SEZ6L: variants seen among roughly 807,000 people sequenced by gnomAD.
The protein encoded by SEZ6L is seizure related 6 homolog like.
A neutral mutation model predicts 106.2 loss-of-function variants in SEZ6L; 37 were observed. The observed-to-expected ratio is 0.35, with a 90% CI of 0.27 to 0.46. The LOEUF (loss-of-function observed/expected upper bound fraction) is 0.46, where lower values mean the gene tolerates loss of function less well. Ranked by LOEUF, SEZ6L falls within the 20% of genes least tolerant of loss-of-function variation. The pLI, the probability that SEZ6L is intolerant of heterozygous loss-of-function variation, is 1.00. For missense variants in SEZ6L, 1,172 were observed against 1,332.8 expected (o/e 0.88, Z 1.88); for synonymous variants, 541 against 570.4 (o/e 0.95, Z 0.73).
chr22:26,192,344 C>T (rs993581081), intron 1 of SEZ6L, among the ~76,000 whole-genome samples: 4 of 152,106 alleles, frequency 2.6e-5, no homozygotes, highest in African/African-American at 9.7e-5. Context: ...CACGTCATAG[C>T]ATATACATTT....
intron 1 of SEZ6L, among the ~76,000 whole-genome samples, chr22:26,258,083 T>C (rs1483023895): frequency 2.0e-5 from 3 of 152,128 alleles, no homozygotes; most frequent in African/African-American, 4.8e-5. Context: ...TCATTCTAAC[T>C]AAACAGTCTT....
intron 11 of SEZ6L, among the ~76,000 whole-genome samples, chr22:26,348,690 G>GC (rs2083141899): frequency 1.1e-5 from 1 of 89,300 alleles, no homozygotes; most frequent in African/African-American, 4.8e-5. Flanking sequence ...AAGAAAGAAA[G>GC]AAAGAAAGAA....
intron 1 of SEZ6L, among the ~76,000 whole-genome samples, chr22:26,243,872 G>A (rs1194044640): frequency 6.6e-6 from 1 of 151,658 alleles, no homozygotes; most frequent in East Asian, 1.9e-4. Context: ...GAAGAAAGAT[G>A]AGCAGGGAGA....
intron 10 of SEZ6L, among the ~76,000 whole-genome samples, chr22:26,342,045 A>C (rs629491): frequency 0.59 from 90,425 of 151,996 alleles, 27,181 homozygotes; most frequent in Admixed American, 0.66. Context: ...GCCGAGCTCC[A>C]ATCCATGCTT....
At chr22:26,212,474 G>C (rs1235203784) in intron 1 of SEZ6L, among the ~76,000 whole-genome samples, 1 of 152,162 alleles carries the variant, frequency 6.6e-6, no homozygotes, top group Non-Finnish European at 1.5e-5. Context: ...CCAGGATAGA[G>C]GGCAGTGGCG....
chr22:26,286,321 G>A (rs943509918), intron 1 of SEZ6L, among the ~76,000 whole-genome samples: 3 of 152,098 alleles, frequency 2.0e-5, no homozygotes, highest in Admixed American at 6.5e-5. Flanking sequence ...AATCACCAGG[G>A]GCTAGAGACA....
At position 26,353,710 on chromosome 22, in the gene SEZ6L, T is replaced by A. The variant is rs1359152363; in HGVS notation, c.2599+2467T>A. On this transcript the variant is annotated intron_variant, in intron 12 of 16. Coordinates refer to ENST00000248933, the MANE Select transcript of SEZ6L (RefSeq NM_021115.5). ...TCCTAACCCATGGTATCTGTAATTG[T>A]GACCTTGATTAGAACTTCAAAGTTC... Among the ~76,000 whole-genome samples, 3 of 152,248 alleles carry A rather than the reference T, an allele frequency of 2.0e-5. No homozygotes were observed. In the East Asian group the frequency reaches 5.8e-4, roughly 29 times the overall value.
Position 26,375,701 on chromosome 22 carries a change from A to T in SEZ6L, c.2942+12A>T. 1.0e-5 allele frequency: 16 copies of T among 1,597,058 alleles called. No individual in the cohort carries two copies. The highest frequency in any genetic ancestry group is 1.4e-5 in the Non-Finnish European group (16 of 1,166,706). ...ATTTACATCACAAGGTAGGGAGCTG[A>T]TGGGGGAGATGACTGCCAAGCACCC... On this transcript the variant is annotated intron_variant, in intron 15 of 16. Coordinates refer to ENST00000248933, the MANE Select transcript of SEZ6L (RefSeq NM_021115.5).
At chr22:26,181,344 C>T (rs1023332744) in intron 1 of SEZ6L, among the ~76,000 whole-genome samples, 2 of 152,170 alleles carry the variant, frequency 1.3e-5, no homozygotes, top group African/African-American at 4.8e-5. Flanking sequence ...CTTCTATGCC[C>T]CCTTTTAAAG....
chr22:26,375,758 C>T (rs2084203602), intron 15 of SEZ6L, 69 bp downstream of exon 15: 1 of 1,199,986 alleles, frequency 8.3e-7, no homozygotes. Flanking sequence ...CTGGGCGGTT[C>T]ACCTCTCTGA....
intron 1 of SEZ6L, among the ~76,000 whole-genome samples, chr22:26,200,382 G>T (rs1026393696): frequency 1.3e-5 from 2 of 152,110 alleles, no homozygotes; most frequent in African/African-American, 4.8e-5. Flanking sequence ...TTGGTGGTTG[G>T]TGCAAGAGAC....
At chr22:26,248,687 G>C (rs1018222207) in intron 1 of SEZ6L, among the ~76,000 whole-genome samples, 5 of 152,236 alleles carry the variant, frequency 3.3e-5, no homozygotes, top group Non-Finnish European at 7.3e-5. Flanking sequence ...CTTGCCTTCT[G>C]CTTCCAGCAA....
chr22:26,343,283 C>T (rs927160550), intron 10 of SEZ6L, among the ~76,000 whole-genome samples: 8 of 149,460 alleles, frequency 5.4e-5, no homozygotes, highest in East Asian at 2.0e-4. Context: ...TCTCCCCTAG[C>T]GCCCAAGTCA....
intron 9 of SEZ6L, among the ~76,000 whole-genome samples, chr22:26,332,804 C>A (rs1366221975): frequency 1.3e-5 from 2 of 152,182 alleles, no homozygotes; most frequent in African/African-American, 4.8e-5. Flanking sequence ...AAGACTCAAT[C>A]GGAACACACT....
At chr22:26,309,537 G>A (rs1305818542) in intron 6 of SEZ6L, among the ~76,000 whole-genome samples, 2 of 152,086 alleles carry the variant, frequency 1.3e-5, no homozygotes, top group South Asian at 2.1e-4. Context: ...GAGCCTGGTG[G>A]GAGTCAAATG....
At chr22:26,322,898 A>G (rs1347866552) in intron 9 of SEZ6L, among the ~76,000 whole-genome samples, 1 of 152,196 alleles carries the variant, frequency 6.6e-6, no homozygotes, top group African/African-American at 2.4e-5. Context: ...GGGCCTTTTC[A>G]TATTGCTCTC....
intron 9 of SEZ6L, among the ~76,000 whole-genome samples, chr22:26,326,956 C>G (rs1601510518): frequency 6.6e-6 from 1 of 152,216 alleles, no homozygotes; most frequent in South Asian, 2.1e-4. Context: ...GGAGTTCCCA[C>G]GCCAGGCGGG....
chr22:26,373,018 C>T (rs2331249), intron 13 of SEZ6L, among the ~76,000 whole-genome samples: 74,618 of 151,990 alleles, frequency 0.49, 19,483 homozygotes, highest in East Asian at 0.94. Context: ...GCAGCCCAGA[C>T]TGAAATCCTG....
intron 1 of SEZ6L, among the ~76,000 whole-genome samples, chr22:26,199,570 C>A (rs1940795858): frequency 6.6e-6 from 1 of 152,140 alleles, no homozygotes; most frequent in African/African-American, 2.4e-5. Flanking sequence ...TTAATTGATT[C>A]TCTCATATGT....
Sources: gnomAD v4.1 joint callset for allele counts (sites outside exome capture counted in the v4.1 genomes callset) on GRCh38, gnomAD v4.1.1 for gene constraint, MANE v1.5 for transcripts, NCBI Gene and HGNC (gene_info 2026-07-23, HGNC 2026-07-21) for gene names.